The following HMBOX1 variants were observed in gnomAD, a reference collection of about 807,000 sequenced individuals.
HMBOX1 encodes the protein homeobox-containing protein 1.
Under a neutral mutation model 54.5 loss-of-function variants are expected in HMBOX1, and 14 were observed. That is an observed-to-expected ratio of 0.26 (90% CI 0.17 to 0.40). The LOEUF (loss-of-function observed/expected upper bound fraction) is 0.40. HMBOX1 is among the 10% of genes least tolerant of loss of function. HMBOX1 has a pLI of 1.00. For synonymous variants in HMBOX1, 160 were observed against 181.0 expected (o/e 0.88, Z 0.93); for missense variants, 332 against 514.4 (o/e 0.65, Z 3.43).
intron 1 of HMBOX1, among the ~76,000 whole-genome samples, chr8:28,958,276 T>C (rs148096285): frequency 8.3e-4 from 127 of 152,282 alleles, no homozygotes; most frequent in African/African-American, 2.7e-3. Flanking sequence ...TAATTTTCAG[T>C]TTTTTAAAAA....
intron 1 of HMBOX1, among the ~76,000 whole-genome samples, chr8:28,961,348 C>A (rs1408041959): frequency 6.6e-6 from 1 of 152,096 alleles, no homozygotes; most frequent in Non-Finnish European, 1.5e-5. Flanking sequence ...AACTCTGTAC[C>A]CTTAAATAAT....
intron 1 of HMBOX1, among the ~76,000 whole-genome samples, chr8:28,961,042 C>G (rs1259781727): frequency 6.6e-6 from 1 of 151,904 alleles, no homozygotes; most frequent in Admixed American, 6.6e-5. Flanking sequence ...GCCTTGGCCT[C>G]CCAAAGTGCT....
At chr8:29,050,595 T>G (rs1806302472) in intron 9 of HMBOX1, 1 of 159,600 alleles carries the variant, frequency 6.3e-6, no homozygotes, top group Non-Finnish European at 1.4e-5. Flanking sequence ...AGAGGGACCA[T>G]GAATTCTAAT....
intron 1 of HMBOX1, among the ~76,000 whole-genome samples, chr8:28,914,539 C>T (rs1268492578): frequency 6.6e-6 from 1 of 152,168 alleles, no homozygotes; most frequent in Non-Finnish European, 1.5e-5. Flanking sequence ...TGAACACACG[C>T]CTTCACTTGT....
chr8:28,984,781 A>AT (rs557516494), intron 4 of HMBOX1, among the ~76,000 whole-genome samples: 2 of 152,090 alleles, frequency 1.3e-5, no homozygotes, highest in Admixed American at 1.3e-4. Flanking sequence ...TTAAAACATA[A>AT]TTTTTTTTAA....
chr8:29,028,559 A>G lies in HMBOX1; in HGVS notation c.851+9646A>G, dbSNP rs144144150. Among the ~76,000 whole-genome samples the G allele has an allele frequency of 3.3e-3, 500 of 151,922 alleles. 3 individuals are homozygous for G. The highest frequency in any genetic ancestry group is 0.011 in the African/African-American group (474 of 41,264). On this transcript the variant is annotated intron_variant, in intron 6 of 9. Transcript: ENST00000287701. ...TCTCCTCTTTACTTTTAATTTTTTC[A>G]GTGAAGGTTAAGACTAACAGTTCCA...
chr8:29,020,644 T>C (rs1231608884), intron 6 of HMBOX1, among the ~76,000 whole-genome samples: 2 of 152,248 alleles, frequency 1.3e-5, no homozygotes, highest in African/African-American at 4.8e-5. Context: ...AGAAAGAGGA[T>C]GTGGTTTATG....
chr8:29,038,325 G>A (rs746437032), intron 6 of HMBOX1, among the ~76,000 whole-genome samples: 2 of 152,148 alleles, frequency 1.3e-5, no homozygotes, highest in Non-Finnish European at 2.9e-5. Flanking sequence ...TCACTCAGCC[G>A]ACAGTGTCCT....
At chr8:29,009,285 A>G in intron 5 of HMBOX1, 103 bp downstream of exon 5, 1 of 1,105,916 alleles carries the variant, frequency 9.0e-7, no homozygotes, top group Non-Finnish European at 1.3e-6. Flanking sequence ...ATGGTTTCAT[A>G]CTTTACTATG....
In HMBOX1 at chr8:28,950,969, T is replaced by C. The variant is rs1450590003; in HGVS notation, c.-57-12842T>C. 2.6e-5 allele frequency among the ~76,000 whole-genome samples: 4 copies of C among 152,194 alleles called. No homozygotes were observed. The South Asian group carries it at 8.3e-4, about 31-fold the overall frequency. ...AATTCTAGAGGGTATGTGGCAGTCA[T>C]ATGGCTTTTCTGATTACCTGTATTT... On this transcript the variant is annotated intron_variant, in intron 1 of 9. Transcript: ENST00000287701.
intron 1 of HMBOX1, among the ~76,000 whole-genome samples, chr8:28,900,950 G>A (rs1813134747): frequency 6.6e-6 from 1 of 152,058 alleles, no homozygotes; most frequent in Admixed American, 6.6e-5. Context: ...GAACTTTGGA[G>A]CCATATTGTC....
chr8:28,918,022 A>G lies in HMBOX1; in HGVS notation c.-58+27344A>G, dbSNP rs181810731. 3.2e-3 allele frequency among the ~76,000 whole-genome samples: 491 copies of G among 152,090 alleles called. 6 individuals carry two copies. Among genetic ancestry groups the G allele is most frequent in the African/African-American group, 0.011 (458 of 41,478 alleles). On this transcript the variant is annotated intron_variant, in intron 1 of 9. Transcript: ENST00000287701. ...TGCTGGCCTTATAAAATGATTTGGGAAATTCTTTCTTCTCTTCTATTTTCT... is the reference window on the plus strand; with the variant it reads ...TGCTGGCCTTATAAAATGATTTGGGGAATTCTTTCTTCTCTTCTATTTTCT...
At chr8:28,895,527 TAGCTGGGTATGGTG>T (rs1027881696) in intron 1 of HMBOX1, among the ~76,000 whole-genome samples, 3 of 152,016 alleles carry the variant, frequency 2.0e-5, no homozygotes, top group Admixed American at 6.6e-5. Context: ...AGACAAAAAT[TAGCTGGGTATGGTG>T]GTGCATGCCT....
intron 1 of HMBOX1, among the ~76,000 whole-genome samples, chr8:28,904,637 T>G (rs965898700): frequency 2.6e-5 from 4 of 152,266 alleles, no homozygotes; most frequent in South Asian, 2.1e-4. Flanking sequence ...GAACCTTTTT[T>G]TGTGTGTGTG....
At chr8:28,903,290 CT>C (rs1813603462) in intron 1 of HMBOX1, among the ~76,000 whole-genome samples, 2 of 152,348 alleles carry the variant, frequency 1.3e-5, no homozygotes, top group South Asian at 4.1e-4. Context: ...GATGATGCCA[CT>C]TGTGGCCTTT....
chr8:29,043,055 CTGTGTATCT>C (rs1805075187), intron 6 of HMBOX1, among the ~76,000 whole-genome samples: 1 of 152,124 alleles, frequency 6.6e-6, no homozygotes, highest in Non-Finnish European at 1.5e-5. Flanking sequence ...GAGTATATCT[CTGTGTATCT>C]TGGAAACCTC....
intron 4 of HMBOX1, among the ~76,000 whole-genome samples, chr8:28,982,052 A>G (rs1326326164): frequency 1.3e-5 from 2 of 152,016 alleles, no homozygotes; most frequent in Non-Finnish European, 2.9e-5. Context: ...CCTGGCTAAC[A>G]CGGTGAAACT....
chr8:28,945,681 T>C (rs771715074), intron 1 of HMBOX1, among the ~76,000 whole-genome samples: 1 of 152,206 alleles, frequency 6.6e-6, no homozygotes, highest in Non-Finnish European at 1.5e-5. Flanking sequence ...CAGTTTAAAA[T>C]GATGACCTAT....
At chr8:28,899,250 A>C (rs1812747858) in intron 1 of HMBOX1, among the ~76,000 whole-genome samples, 1 of 152,224 alleles carries the variant, frequency 6.6e-6, no homozygotes, top group African/African-American at 2.4e-5. Flanking sequence ...TAAGCATGAA[A>C]GTATCTAGAA....
Sources: allele counts gnomAD v4.1 joint callset (sites outside exome capture counted in the v4.1 genomes callset), GRCh38; gene constraint gnomAD v4.1.1; transcripts MANE v1.5; gene names NCBI Gene and HGNC (gene_info 2026-07-23, HGNC 2026-07-21).